The following NACC1 variants were observed in gnomAD, a reference collection of about 807,000 sequenced individuals.
NACC1 encodes nucleus accumbens-associated protein 1.
In NACC1, 6 loss-of-function variants were observed where a neutral mutation model predicts 41.7. The observed-to-expected ratio is 0.14, with a 90% CI of 0.08 to 0.28. NACC1 has a LOEUF of 0.28. Among genes scored for constraint, NACC1 ranks in the 10% least tolerant of loss-of-function variants. NACC1 has a pLI of 1.00. For synonymous variants in NACC1, 338 were observed against 330.6 expected, an observed-to-expected ratio of 1.02 and a Z score of -0.24; for missense variants, 434 against 763.7, an observed-to-expected ratio of 0.57 and a Z score of 5.09.
intron 1 of NACC1, among the ~76,000 whole-genome samples, chr19:13,119,967 G>T (rs761511574): frequency 6.6e-6 from 1 of 152,186 alleles, no homozygotes; most frequent in Non-Finnish European, 1.5e-5. Flanking sequence ...AACTGGGATT[G>T]TCTGACCCTC....
rs146107325 is a variant in NACC1, at chr19:13,132,080, C to T, written c.-8-3120C>T. On this transcript the variant is annotated intron_variant, in intron 1 of 5. Transcript: ENST00000292431. ...TTCACCGTGTTTGCCAGGCTGGTCT[C>T]GAACTCCCGACCTCAGGTGATCCAC... Among the ~76,000 whole-genome samples the T allele has an allele frequency of 4.8e-3, 733 of 151,820 alleles. 5 individuals are homozygous for T. The highest frequency in any genetic ancestry group is 0.016 in the African/African-American group (668 of 41,462).
upstream of NACC1, chr19:13,118,003 G>C (rs2019415636): frequency 6.6e-6 from 1 of 152,248 alleles, no homozygotes; most frequent in African/African-American, 2.4e-5. Flanking sequence ...GGAAACTAAA[G>C]TTCGGAAAGG....
chr19:13,136,101 G>T lies in NACC1; in HGVS notation c.894G>T (p.Arg298=), dbSNP rs1475735831. ...GGEEGMDEQY[R]QICNMYTMYS... ...AGGAGGGCATGGATGAGCAGTACCG[G>T]CAGATCTGCAACATGTACACCATGT... Residue 298 remains arginine, a synonymous_variant, in exon 2 of 6, where the codon CGG becomes CGT. Transcript: ENST00000292431. The surrounding 1 kb of genome is among the most constrained non-coding windows in gnomAD (Gnocchi z 5.5). 1.2e-6 allele frequency: 2 copies of T among 1,613,954 alleles called. No homozygotes were observed. Among genetic ancestry groups the T allele is most frequent in the South Asian group, 2.2e-5 (2 of 91,082 alleles).
intron 1 of NACC1, among the ~76,000 whole-genome samples, chr19:13,129,537 G>A (rs1015977062): frequency 1.6e-4 from 24 of 152,294 alleles, no homozygotes; most frequent in Admixed American, 1.1e-3. Context: ...CACTCTGTGC[G>A]GGGGCCACTG....
chr19:13,132,089 G>A lies in NACC1; in HGVS notation c.-8-3111G>A, dbSNP rs1019520801. ...TTTGCCAGGCTGGTCTCGAACTCCC[G>A]ACCTCAGGTGATCCACCTGACTCGG... On this transcript the variant is annotated intron_variant, in intron 1 of 5. Coordinates refer to ENST00000292431, the MANE Select transcript of NACC1 (RefSeq NM_052876.4). 4.6e-5 allele frequency among the ~76,000 whole-genome samples: 7 copies of A among 151,662 alleles called. No homozygotes were observed. In the East Asian group the frequency reaches 1.2e-3, roughly 26 times the overall value.
At chr19:13,123,608 A>AC (rs2019526817) in intron 1 of NACC1, among the ~76,000 whole-genome samples, 1 of 152,128 alleles carries the variant, frequency 6.6e-6, no homozygotes, top group Non-Finnish European at 1.5e-5. Context: ...GGCACCCCAG[A>AC]CCCTGAGGTG....
chr19:13,129,901 G>C (rs1209577959), intron 1 of NACC1, among the ~76,000 whole-genome samples: 1 of 148,502 alleles, frequency 6.7e-6, no homozygotes, highest in Admixed American at 6.7e-5. Flanking sequence ...GGACAACATA[G>C]TGAGACCCTG....
rs74363183 is a variant in NACC1 at position 13,121,725 on chromosome 19, C to T, written c.-9+3271C>T. ...TGCTTTTGGGATGGTGGTGAGCCAC[C>T]GGGGCTGGAAAACATGAGTCAGTGT... On this transcript the variant is annotated intron_variant, in intron 1 of 5. Transcript: ENST00000292431. 5.2e-3 allele frequency among the ~76,000 whole-genome samples: 792 copies of T among 152,190 alleles called. 11 individuals are homozygous for T. The highest frequency in any genetic ancestry group is 0.018 in the African/African-American group (760 of 41,496).
At position 13,135,451 on chromosome 19, in the gene NACC1, C is replaced by T. The variant is rs1352980222; in HGVS notation, c.244C>T (p.Leu82Phe). ...GCAGCCCCAGTCTTTCCAGCAGATCCTCAGCTTCTGCTACACGGGCCGGCT... is the reference window on the plus strand; with the variant it reads ...GCAGCCCCAGTCTTTCCAGCAGATCTTCAGCTTCTGCTACACGGGCCGGCT... The part of the protein sequence containing the change: ...AVQPQSFQQI[L>F]SFCYTGRLSM... The change falls in exon 2 of 6, where the codon CTC becomes TTC. Residue 82 changes from leucine to phenylalanine, a missense_variant. Coordinates refer to ENST00000292431, the MANE Select transcript of NACC1 (RefSeq NM_052876.4). 6.2e-7 allele frequency: 1 copy of T among 1,613,182 alleles called. No individual in the cohort carries two copies.
In NACC1 at chr19:13,135,416, C is replaced by T. The variant is rs1386586909; in HGVS notation, c.209C>T (p.Pro70Leu). 2 of 1,612,974 alleles carry T rather than the reference C, an allele frequency of 1.2e-6. No homozygotes were observed. Among genetic ancestry groups the T allele is most frequent in the Non-Finnish European group, 8.5e-7 (1 of 1,179,648 alleles). ...AGCCGCAGCGCCGTGGTGGAGCTGCCGGCGGCTGTGCAGCCCCAGTCTTTC... is the reference window on the plus strand; with the variant it reads ...AGCCGCAGCGCCGTGGTGGAGCTGCTGGCGGCTGTGCAGCCCCAGTCTTTC... ...NNSRSAVVEL[P>L]AAVQPQSFQQ... The change falls in exon 2 of 6, where the codon CCG (proline) becomes CTG (leucine). Residue 70 changes from proline to leucine, a missense_variant. Around this residue, in one of 4 missense-constraint regions of NACC1, gnomAD observed 67 missense variants for 180.1 expected, o/e 0.37. Coordinates refer to ENST00000292431, the MANE Select transcript of NACC1 (RefSeq NM_052876.4).
rs777336676 is a variant in NACC1, at chr19:13,135,922, G to A, written c.715G>A (p.Ala239Thr). 3.8e-6 allele frequency: 6 copies of A among 1,577,456 alleles called. No homozygotes were observed. Among genetic ancestry groups the A allele is most frequent in the Middle Eastern group, 1.7e-4 (1 of 5,870 alleles). ...AAAQPAVAAG[A>T]GQPAGGVAAA... is the part of the protein sequence containing the mutation. The stretch of plus-strand genomic sequence containing the variant: ...AGCCCAGCCCGCCGTGGCTGCGGGA[G>A]CAGGGCAGCCAGCCGGTGGGGTGGC... Residue 239 changes from alanine (A) to threonine (T), a missense_variant, in exon 2 of 6, where the codon GCA (alanine) becomes ACA (threonine). By Grantham distance (58) the Ala-to-Thr change is moderately conservative (BLOSUM62 0). This residue lies in a region of NACC1 where 234 missense variants were observed against 308.3 expected (regional missense o/e 0.76). Transcript: ENST00000292431.
Position 13,135,408 on chromosome 19 carries a change from G to A in NACC1, c.201G>A (p.Val67=), listed in dbSNP as rs2019687726. 1.2e-6 allele frequency: 2 copies of A among 1,613,340 alleles called. No individual in the cohort carries two copies. Among genetic ancestry groups the A allele is most frequent in the East Asian group, 2.2e-5 (1 of 44,878 alleles). ...TCAACAACAGCCGCAGCGCCGTGGTGGAGCTGCCGGCGGCTGTGCAGCCCC... is the reference window on the plus strand; with the variant it reads ...TCAACAACAGCCGCAGCGCCGTGGTAGAGCTGCCGGCGGCTGTGCAGCCCC... ...DLFNNSRSAV[V]ELPAAVQPQS... is the part of the protein sequence containing the mutation. The change falls in exon 2 of 6, where the codon GTG becomes GTA. Residue 67 remains valine, a synonymous_variant. Transcript: ENST00000292431.
intron 1 of NACC1, 138 bp from the exon 2 acceptor site, chr19:13,135,062 A>G (rs1461468157): frequency 1.4e-6 from 2 of 1,402,694 alleles, no homozygotes; most frequent in Non-Finnish European, 1.9e-6. Flanking sequence ...GTGGTTTAGC[A>G]CCATGGTAGA....
At position 13,139,861 on chromosome 19, in the gene NACC1, G is replaced by A. The variant is rs1174347921; in HGVS notation, c.*1455G>A. 1 of 152,064 alleles carries A rather than the reference G, an allele frequency of 6.6e-6. No individual in the cohort carries two copies. Among genetic ancestry groups the A allele is most frequent in the Non-Finnish European group, 1.5e-5 (1 of 68,014 alleles). The allele number at this position is 152,064 out of a possible 1,614,324, so 9.4% of individuals were successfully genotyped here. ...TTAACTCCCCATCCCCCTATGCAGG[G>A]TGTCATTTCACCATCCACATCCACA... On this transcript the variant is annotated 3_prime_UTR_variant, in exon 6 of 6. Coordinates refer to ENST00000292431, the MANE Select transcript of NACC1 (RefSeq NM_052876.4).
rs1295640602 is a variant in NACC1 at position 13,118,903 on chromosome 19, C to A, written c.-9+449C>A. 7.6e-5 allele frequency among the ~76,000 whole-genome samples: 11 copies of A among 145,178 alleles called. No individual in the cohort carries two copies. The East Asian group carries it at 1.6e-3, about 22-fold the overall frequency. On this transcript the variant is annotated intron_variant, in intron 1 of 5. Transcript: ENST00000292431. ...GGGGAGGGGCCGGGCCTGCAGGTACCGCCTGGGCGCTGGAGGAGGTGGGTG... is the reference window on the plus strand; with the variant it reads ...GGGGAGGGGCCGGGCCTGCAGGTACAGCCTGGGCGCTGGAGGAGGTGGGTG...
chr19:13,128,425 C>T (rs543973206), intron 1 of NACC1, among the ~76,000 whole-genome samples: 45 of 152,308 alleles, frequency 3.0e-4, no homozygotes, highest in Admixed American at 1.9e-3. Flanking sequence ...ACCGTTATGA[C>T]CTCAATTAAC....
Position 13,138,383 on chromosome 19 carries a change from C to A in NACC1, c.1561C>A (p.Pro521Thr). The change falls in exon 6 of 6, where the codon CCC becomes ACC. Residue 521 changes from proline (P) to threonine (T), a missense_variant. By Grantham distance (38) the Pro-to-Thr change is conservative (BLOSUM62 -1). Transcript: ENST00000292431. This position sits in a 1 kb window ranked among gnomAD's most constrained non-coding sequence, Gnocchi z 5.7. ...CGCCAGCCACGAGGGCGAGGCGGGT[C>A]CCTCGGCTGAAGCCCTGCAGTAACC... ...ETASHEGEAG[P>T]SAEALQ 1 of 1,612,058 alleles carries A rather than the reference C, an allele frequency of 6.2e-7. No individual in the cohort carries two copies. The highest frequency in any genetic ancestry group is 1.1e-5 in the South Asian group (1 of 91,082).
chr19:13,132,647 G>A (rs561489800), intron 1 of NACC1, among the ~76,000 whole-genome samples: 1 of 152,048 alleles, frequency 6.6e-6, no homozygotes, highest in Non-Finnish European at 1.5e-5. Flanking sequence ...TCCTCCATTC[G>A]CCTGGGTGTT....
intron 1 of NACC1, among the ~76,000 whole-genome samples, chr19:13,126,305 C>T (rs949998746): frequency 1.3e-5 from 2 of 152,218 alleles, no homozygotes; most frequent in African/African-American, 4.8e-5. Context: ...CCCTCCTCAG[C>T]CTCCCAAAGT....
Sources: allele counts gnomAD v4.1 joint callset (sites outside exome capture counted in the v4.1 genomes callset), GRCh38; gene constraint gnomAD v4.1.1; regional missense constraint gnomAD v4.1.1; non-coding constraint Gnocchi (gnomAD v3.1); transcripts MANE v1.5; gene names NCBI Gene and HGNC (gene_info 2026-07-23, HGNC 2026-07-21).